The following LRRTM4 variants were observed in gnomAD, a reference collection of about 807,000 sequenced individuals.
LRRTM4 encodes leucine-rich repeat transmembrane neuronal protein 4.
Under a neutral mutation model 47.6 loss-of-function variants are expected in LRRTM4, and 25 were observed. That is an observed-to-expected ratio of 0.53 (90% CI 0.38 to 0.73). LRRTM4 has a LOEUF of 0.73. Among genes scored for constraint, LRRTM4 ranks in the 30% least tolerant of loss-of-function variants. The pLI, the probability that LRRTM4 is intolerant of heterozygous loss-of-function variation, is 0.00. For synonymous variants in LRRTM4, 311 were observed against 269.5 expected, an observed-to-expected ratio of 1.15 and a Z score of -1.51; for missense variants, 638 against 713.4, an observed-to-expected ratio of 0.89 and a Z score of 1.20.
chr2:76,794,916 ATGCT>A lies in LRRTM4; in HGVS notation c.1552-46004_1552-46001del, dbSNP rs759226672. ...CAGTTGTAGAAAAATTAAGATTTAA[ATGCT>A]AAATTTAAACAATAGTGTGTAGACA... On this transcript the variant is annotated intron_variant, in intron 3 of 3. Transcript: ENST00000409884. Among the ~76,000 whole-genome samples the A allele has an allele frequency of 1.1e-3, 172 of 152,194 alleles. 1 individual carries two copies. Among genetic ancestry groups the A allele is most frequent in the Non-Finnish European group, 1.5e-3 (99 of 68,046 alleles).
intron 3 of LRRTM4, among the ~76,000 whole-genome samples, chr2:77,495,789 T>A (rs1288357569): frequency 6.6e-6 from 1 of 152,034 alleles, no homozygotes; most frequent in East Asian, 1.9e-4. Context: ...GTTTTGTAAG[T>A]CTTGAAATAA....
chr2:77,209,383 T>C (rs577020232), intron 3 of LRRTM4, among the ~76,000 whole-genome samples: 7 of 151,930 alleles, frequency 4.6e-5, no homozygotes, highest in South Asian at 2.1e-4. Flanking sequence ...TAGCTCCTAA[T>C]TGGCATTCAG....
chr2:76,919,285 C>A (rs985321859), intron 3 of LRRTM4, among the ~76,000 whole-genome samples: 17 of 152,120 alleles, frequency 1.1e-4, no homozygotes, highest in African/African-American at 4.1e-4. Context: ...CAGATATTTG[C>A]CATAAACCGC....
At chr2:76,862,129 C>T (rs1473525793) in intron 3 of LRRTM4, among the ~76,000 whole-genome samples, 5 of 151,192 alleles carry the variant, frequency 3.3e-5, no homozygotes, top group Non-Finnish European at 5.9e-5. Context: ...AATAACAACA[C>T]TTGTTTGTTC....
At chr2:76,897,313 G>C (rs1259458564) in intron 3 of LRRTM4, among the ~76,000 whole-genome samples, 1 of 152,096 alleles carries the variant, frequency 6.6e-6, no homozygotes, top group Non-Finnish European at 1.5e-5. Context: ...ATATACACCT[G>C]TGACATCTCA....
chr2:76,765,999 A>G (rs1673439038), intron 3 of LRRTM4, among the ~76,000 whole-genome samples: 1 of 152,194 alleles, frequency 6.6e-6, no homozygotes, highest in Non-Finnish European at 1.5e-5. Context: ...TGGTGGCTTT[A>G]GTGGAATTTA....
At chr2:77,038,792 G>A (rs758130884) in intron 3 of LRRTM4, among the ~76,000 whole-genome samples, 24 of 151,428 alleles carry the variant, frequency 1.6e-4, no homozygotes, top group Non-Finnish European at 3.0e-4. Context: ...CAGTTGGAGA[G>A]TTTCTTCTTT....
chr2:77,220,014 G>T (rs1674574094), intron 3 of LRRTM4, among the ~76,000 whole-genome samples: 1 of 152,166 alleles, frequency 6.6e-6, no homozygotes. Flanking sequence ...AAAACTTCCA[G>T]AGGAATGATC....
intron 3 of LRRTM4, among the ~76,000 whole-genome samples, chr2:76,783,335 CATTTGTGTTTT>C (rs1373736657): frequency 6.6e-6 from 1 of 151,932 alleles, no homozygotes; most frequent in East Asian, 1.9e-4. Flanking sequence ...TTGGAAAAGT[CATTTGTGTTTT>C]ATTTAGTATA....
intron 3 of LRRTM4, among the ~76,000 whole-genome samples, chr2:77,479,903 G>C (rs1385408552): frequency 6.6e-6 from 1 of 152,026 alleles, no homozygotes; most frequent in African/African-American, 2.4e-5. Context: ...TAAAGAAATA[G>C]GAAAAGGTTA....
chr2:76,815,580 G>T (rs2103839107), intron 3 of LRRTM4, among the ~76,000 whole-genome samples: 1 of 152,178 alleles, frequency 6.6e-6, no homozygotes, highest in South Asian at 2.1e-4. Context: ...CAAAGTCATA[G>T]TTGTAGTAAT....
intron 3 of LRRTM4, among the ~76,000 whole-genome samples, chr2:77,148,442 T>C (rs1378096101): frequency 6.6e-6 from 1 of 152,160 alleles, no homozygotes; most frequent in Non-Finnish European, 1.5e-5. Flanking sequence ...TTTCCCCCAA[T>C]AACTAGATAT....
intron 3 of LRRTM4, among the ~76,000 whole-genome samples, chr2:77,129,418 T>A (rs1183454367): frequency 6.6e-6 from 1 of 152,162 alleles, no homozygotes; most frequent in Non-Finnish European, 1.5e-5. Context: ...ACTTTGGAGG[T>A]TCATATTCAT....
chr2:77,116,758 C>T (rs1263556770), intron 3 of LRRTM4, among the ~76,000 whole-genome samples: 1 of 152,044 alleles, frequency 6.6e-6, no homozygotes, highest in African/African-American at 2.4e-5. Context: ...TCTACTCCCC[C>T]ATACACTCAA....
intron 3 of LRRTM4, among the ~76,000 whole-genome samples, chr2:77,024,825 C>T (rs1381966884): frequency 1.3e-5 from 2 of 152,068 alleles, no homozygotes; most frequent in African/African-American, 2.4e-5. Context: ...ATCTAGTACA[C>T]TGTTTCTCTA....
intron 3 of LRRTM4, among the ~76,000 whole-genome samples, chr2:76,937,270 T>TGATGCAACTAATA (rs1468592214): frequency 6.6e-6 from 1 of 152,042 alleles, no homozygotes; most frequent in Admixed American, 6.6e-5. Context: ...ATTTATGAAG[T>TGATGCAACTAATA]TTATTAACTG....
At chr2:76,781,722 C>T (rs112029822) in intron 3 of LRRTM4, among the ~76,000 whole-genome samples, 2,990 of 151,456 alleles carry the variant, frequency 0.02, 108 homozygotes, top group African/African-American at 0.068. Context: ...CTCTGCGTCG[C>T]TCACGCTGGG....
At chr2:76,790,850 A>C (rs1240392025) in intron 3 of LRRTM4, among the ~76,000 whole-genome samples, 3 of 152,166 alleles carry the variant, frequency 2.0e-5, no homozygotes, top group Non-Finnish European at 4.4e-5. Context: ...TCTCTACTAG[A>C]AAACATGATG....
intron 3 of LRRTM4, among the ~76,000 whole-genome samples, chr2:76,906,624 T>G (rs1184183654): frequency 1.3e-5 from 2 of 151,758 alleles, no homozygotes; most frequent in Admixed American, 6.6e-5. Flanking sequence ...GAGACACACA[T>G]AGGCTCAAAA....
Sources: allele counts gnomAD v4.1 joint callset (sites outside exome capture counted in the v4.1 genomes callset), GRCh38; gene constraint gnomAD v4.1.1; transcripts MANE v1.5; gene names NCBI Gene and HGNC (gene_info 2026-07-23, HGNC 2026-07-21).